Variants in APBB1IP observed in about 807,000 individuals in gnomAD.
The protein encoded by APBB1IP is amyloid beta A4 precursor protein-binding family B member 1-interacting protein.
A neutral mutation model predicts 64.9 loss-of-function variants in APBB1IP; 27 were observed. The observed-to-expected ratio is 0.42, with a 90% CI of 0.31 to 0.57. The LOEUF (loss-of-function observed/expected upper bound fraction) is 0.57, where lower values mean the gene tolerates loss of function less well. Among genes scored for constraint, APBB1IP ranks in the 20% least tolerant of loss-of-function variants. APBB1IP has a pLI of 0.20. For synonymous variants in APBB1IP, 392 were observed against 331.0 expected (o/e 1.18, Z -2.00); for missense variants, 812 against 845.5 (o/e 0.96, Z 0.49).
chr10:26,530,275 C>A (rs1475825730), intron 8 of APBB1IP, among the ~76,000 whole-genome samples: 3 of 147,586 alleles, frequency 2.0e-5, no homozygotes, highest in African/African-American at 5.0e-5. Flanking sequence ...GTGACCCAGG[C>A]TGGACTCAAA....
chr10:26,439,141 C>A (rs1051149482), intron 2 of APBB1IP, among the ~76,000 whole-genome samples: 1 of 152,114 alleles, frequency 6.6e-6, no homozygotes, highest in Non-Finnish European at 1.5e-5. Context: ...GATTTCCTGC[C>A]CAGGAAATTG....
intron 8 of APBB1IP, among the ~76,000 whole-genome samples, chr10:26,522,491 C>G (rs1316047321): frequency 2.0e-5 from 3 of 152,004 alleles, no homozygotes; most frequent in African/African-American, 7.2e-5. Flanking sequence ...GAACTGTTCT[C>G]ATTTCATTTT....
intron 8 of APBB1IP, among the ~76,000 whole-genome samples, chr10:26,529,552 G>T (rs1466163466): frequency 6.6e-6 from 1 of 152,234 alleles, no homozygotes; most frequent in Non-Finnish European, 1.5e-5. Flanking sequence ...AGTTTAGACA[G>T]GTTCTTCCCT....
chr10:26,486,377 G>A (rs536072415), intron 2 of APBB1IP, among the ~76,000 whole-genome samples: 1 of 152,254 alleles, frequency 6.6e-6, no homozygotes, highest in South Asian at 2.1e-4. Flanking sequence ...TACAGGAAAA[G>A]CCAACAGATT....
chr10:26,564,926 C>A (rs535769186), intron 14 of APBB1IP, among the ~76,000 whole-genome samples: 1 of 152,220 alleles, frequency 6.6e-6, no homozygotes, highest in African/African-American at 2.4e-5. Context: ...AGCTGTGAGG[C>A]CAGCTGGAGC....
At chr10:26,559,363 A>C (rs566915025) in intron 11 of APBB1IP, among the ~76,000 whole-genome samples, 28 of 152,056 alleles carry the variant, frequency 1.8e-4, no homozygotes, top group African/African-American at 6.3e-4. Context: ...CAGGAGTTTG[A>C]GACCAGCTTG....
intron 6 of APBB1IP, among the ~76,000 whole-genome samples, chr10:26,511,450 G>A (rs975704956): frequency 7.9e-5 from 12 of 152,162 alleles, no homozygotes; most frequent in Non-Finnish European, 2.9e-5. Context: ...AAAGAAAGAA[G>A]CTAACACTTT....
chr10:26,511,448 A>T (rs1480862249), intron 6 of APBB1IP, among the ~76,000 whole-genome samples: 1 of 152,206 alleles, frequency 6.6e-6, no homozygotes, highest in African/African-American at 2.4e-5. Flanking sequence ...GGAAAGAAAG[A>T]AGCTAACACT....
At chr10:26,566,720 G>A (rs1474898347) in intron 14 of APBB1IP, among the ~76,000 whole-genome samples, 1 of 151,884 alleles carries the variant, frequency 6.6e-6, no homozygotes, top group Non-Finnish European at 1.5e-5. Flanking sequence ...CTATGGCATG[G>A]CCCTGTCCAC....
Position 26,567,241 on chromosome 10 carries a change from C to G in APBB1IP, c.1754C>G (p.Pro585Arg). Residue 585 changes from proline to arginine, a missense_variant, in exon 15 of 15, where the codon CCG becomes CGG. Physicochemically the swap from Pro to Arg is moderately radical, Grantham distance 103. Coordinates refer to ENST00000376236, the MANE Select transcript of APBB1IP (RefSeq NM_019043.4). ...GAGCCGCCCCCAGACTTCGTGCCCC[C>G]GCCCCCGCCGTCGTACGCAGGGATC... ...FMEPPPDFVPPPPPSYAGIAG... is the reference protein window; with the variant it reads ...FMEPPPDFVPRPPPSYAGIAG... The G allele has an allele frequency of 3.8e-6, 5 of 1,332,302 alleles. No individual in the cohort carries two copies. The highest frequency in any genetic ancestry group is 4.8e-6 in the Non-Finnish European group (5 of 1,041,246). The allele number at this position is 1,332,302 out of a possible 1,614,324, so 82.5% of individuals were successfully genotyped here. A position where few individuals can be genotyped will look rare whatever the true frequency, so the allele number is the denominator to read the frequency against.
At chr10:26,467,407 T>G (rs1418365906) in intron 2 of APBB1IP, among the ~76,000 whole-genome samples, 3 of 152,204 alleles carry the variant, frequency 2.0e-5, no homozygotes, top group African/African-American at 7.2e-5. Context: ...CAAACTTTAA[T>G]ATGCAATAGA....
At chr10:26,543,677 T>A (rs1422857853) in intron 11 of APBB1IP, among the ~76,000 whole-genome samples, 8 of 151,782 alleles carry the variant, frequency 5.3e-5, no homozygotes, top group Non-Finnish European at 1.2e-4. Flanking sequence ...AACAAAAAAA[T>A]ATGCAATGTG....
chr10:26,503,148 C>T (rs370433845), intron 5 of APBB1IP, 49 bp from the exon 6 acceptor site: 53 of 1,565,120 alleles, frequency 3.4e-5, no homozygotes, highest in Non-Finnish European at 4.5e-5. Flanking sequence ...TGATTACTCA[C>T]TGGTATTACT....
chr10:26,488,306 G>T (rs1326291553), intron 2 of APBB1IP, among the ~76,000 whole-genome samples: 5 of 151,606 alleles, frequency 3.3e-5, no homozygotes, highest in Non-Finnish European at 5.9e-5. Context: ...CACCATCATA[G>T]TTCACTGCAG....
intron 2 of APBB1IP, among the ~76,000 whole-genome samples, chr10:26,453,627 C>T (rs573377188): frequency 2.6e-5 from 4 of 152,218 alleles, no homozygotes; most frequent in South Asian, 2.1e-4. Flanking sequence ...CCATGGAGAC[C>T]ACTAGTGTTC....
chr10:26,448,215 T>A lies in APBB1IP; in HGVS notation c.-1+9362T>A, dbSNP rs191385629. ...TAATAGTAAGATTATTTCATTTTTTTAATTTTTGTAGAGATGAGGGTCTCA... is the reference window on the plus strand; with the variant it reads ...TAATAGTAAGATTATTTCATTTTTTAAATTTTTGTAGAGATGAGGGTCTCA... On this transcript the variant is annotated intron_variant, in intron 2 of 14. Coordinates refer to ENST00000376236, the MANE Select transcript of APBB1IP (RefSeq NM_019043.4). 1.9e-4 allele frequency among the ~76,000 whole-genome samples: 29 copies of A among 152,194 alleles called. No homozygotes were observed. In the East Asian group the frequency reaches 5.4e-3, roughly 28 times the overall value.
At chr10:26,523,281 C>T (rs1836427682) in intron 8 of APBB1IP, among the ~76,000 whole-genome samples, 1 of 152,202 alleles carries the variant, frequency 6.6e-6, no homozygotes, top group Admixed American at 6.5e-5. Flanking sequence ...CCAAAAGCCA[C>T]AGGAGGATCA....
intron 2 of APBB1IP, among the ~76,000 whole-genome samples, chr10:26,472,201 G>A (rs530833635): frequency 6.6e-6 from 1 of 152,294 alleles, no homozygotes; most frequent in East Asian, 1.9e-4. Flanking sequence ...TAATTTTTCT[G>A]CACATGAAAA....
chr10:26,500,148 T>C (rs984585110), intron 4 of APBB1IP, among the ~76,000 whole-genome samples: 1 of 150,696 alleles, frequency 6.6e-6, no homozygotes, highest in Admixed American at 6.6e-5. Flanking sequence ...GAGGCAGAGA[T>C]TGTAGTGAGC....
Sources: gnomAD v4.1 joint callset for allele counts (sites outside exome capture counted in the v4.1 genomes callset) on GRCh38, gnomAD v4.1.1 for gene constraint, MANE v1.5 for transcripts, NCBI Gene and HGNC (gene_info 2026-07-23, HGNC 2026-07-21) for gene names.